STAU2: variants seen among roughly 807,000 people sequenced by gnomAD.
The protein encoded by STAU2 is double-stranded RNA-binding protein Staufen homolog 2.
STAU2 carries 20 observed loss-of-function variants against 65.9 expected under a neutral mutation model. The ratio of observed to expected loss-of-function variants is 0.30; its 90% CI spans 0.21 to 0.44. The LOEUF is 0.44. Among genes scored for constraint, STAU2 ranks in the 20% least tolerant of loss-of-function variants. The pLI is 1.00. For missense variants in STAU2, 558 were observed against 683.9 expected (o/e 0.82, Z 2.05); for synonymous variants, 232 against 233.9 (o/e 0.99, Z 0.07).
rs1474796211 is a variant in STAU2, at chr8:73,679,651, G to A, written c.275-6409C>T. Among the ~76,000 whole-genome samples the A allele has an allele frequency of 2.0e-5, 3 of 147,034 alleles. No individual in the cohort carries two copies. In the East Asian group the frequency reaches 6.2e-4, roughly 31 times the overall value. ...AATCCCAACACTTTGGGAGGCCAAG[G>A]TGAGTGGATCGCTTGAGCCCAGTTT... On this transcript the variant is annotated intron_variant, in intron 5 of 14. Coordinates refer to ENST00000524300, the MANE Select transcript of STAU2 (RefSeq NM_001164380.2).
At chr8:73,739,378 A>AATTATCT (rs1806673760) in intron 2 of STAU2, among the ~76,000 whole-genome samples, 1 of 152,106 alleles carries the variant, frequency 6.6e-6, no homozygotes, top group African/African-American at 2.4e-5. Flanking sequence ...CTCTCCCCTA[A>AATTATCT]AAATTATCTA....
intron 6 of STAU2, among the ~76,000 whole-genome samples, chr8:73,634,158 G>A (rs77488275): frequency 0.058 from 8,815 of 152,106 alleles, 336 homozygotes; most frequent in Middle Eastern, 0.17. Flanking sequence ...AATTATATTG[G>A]TAAAAAACTC....
intron 13 of STAU2, among the ~76,000 whole-genome samples, chr8:73,444,684 A>G (rs1001577614): frequency 2.6e-5 from 4 of 152,206 alleles, no homozygotes; most frequent in African/African-American, 7.2e-5. Context: ...TATCTTTAAC[A>G]CTAACACTGG....
At chr8:73,535,322 A>G (rs1413974790) in intron 13 of STAU2, among the ~76,000 whole-genome samples, 5 of 151,760 alleles carry the variant, frequency 3.3e-5, no homozygotes, top group South Asian at 2.1e-4. Context: ...GGCGCCCACC[A>G]CCACGCCTGG....
chr8:73,674,451 C>G (rs1817896067), intron 5 of STAU2, among the ~76,000 whole-genome samples: 1 of 151,508 alleles, frequency 6.6e-6, no homozygotes, highest in Non-Finnish European at 1.5e-5. Context: ...TTACTTAAGT[C>G]AAACAAAATT....
Position 73,536,479 on chromosome 8 carries a change from C to T in STAU2, c.1530+15533G>A, listed in dbSNP as rs146059666. 2.2e-3 allele frequency among the ~76,000 whole-genome samples: 332 copies of T among 152,314 alleles called. 3 individuals are homozygous for T. The highest frequency in any genetic ancestry group is 7.0e-3 in the African/African-American group (289 of 41,576). ...ATGGAAAAAATGGCAGATCCACCTC[C>T]ATCCCCAACAGCAAAAGTCAATTTG... On this transcript the variant is annotated intron_variant, in intron 13 of 14. Transcript: ENST00000524300.
At chr8:73,682,604 GA>G (rs1818511780) in intron 5 of STAU2, among the ~76,000 whole-genome samples, 1 of 151,774 alleles carries the variant, frequency 6.6e-6, no homozygotes, top group Admixed American at 6.6e-5. Flanking sequence ...CAGAAGAAAA[GA>G]AATAACAAAG....
chr8:73,436,249 G>C (rs1218022157), intron 13 of STAU2, among the ~76,000 whole-genome samples: 3 of 151,634 alleles, frequency 2.0e-5, no homozygotes, highest in Non-Finnish European at 2.9e-5. Context: ...TGAAATAGAG[G>C]CCCCAGCATA....
chr8:73,555,770 C>G (rs1319396172), intron 12 of STAU2, among the ~76,000 whole-genome samples: 1 of 152,166 alleles, frequency 6.6e-6, no homozygotes, highest in Non-Finnish European at 1.5e-5. Flanking sequence ...CGGACTTGAG[C>G]ATCTGTGGAT....
chr8:73,698,456 C>G (rs562745720), intron 4 of STAU2, among the ~76,000 whole-genome samples: 3 of 152,042 alleles, frequency 2.0e-5, no homozygotes, highest in Non-Finnish European at 4.4e-5. Flanking sequence ...GATGGAGAAA[C>G]ATATTCCATG....
chr8:73,535,772 AC>A (rs1013562810), intron 13 of STAU2, among the ~76,000 whole-genome samples: 3 of 152,184 alleles, frequency 2.0e-5, no homozygotes, highest in Non-Finnish European at 4.4e-5. Flanking sequence ...ATTATTTTCA[AC>A]ATTAAAGGAA....
intron 6 of STAU2, among the ~76,000 whole-genome samples, chr8:73,671,820 C>A (rs1414154646): frequency 6.6e-6 from 1 of 152,060 alleles, no homozygotes; most frequent in Non-Finnish European, 1.5e-5. Context: ...GTCAGAAGTT[C>A]AAGACCCCCA....
chr8:73,532,202 A>G (rs909044372), intron 13 of STAU2, among the ~76,000 whole-genome samples: 1 of 152,184 alleles, frequency 6.6e-6, no homozygotes, highest in African/African-American at 2.4e-5. Flanking sequence ...ACCTGACTCT[A>G]AGTTTCAACC....
chr8:73,438,218 G>A (rs1817858379), intron 13 of STAU2, among the ~76,000 whole-genome samples: 1 of 152,136 alleles, frequency 6.6e-6, no homozygotes, highest in Non-Finnish European at 1.5e-5. Flanking sequence ...TCACTACTGG[G>A]GTATGGCCAT....
intron 13 of STAU2, among the ~76,000 whole-genome samples, chr8:73,452,034 G>A (rs1818826232): frequency 6.6e-6 from 1 of 152,236 alleles, no homozygotes; most frequent in African/African-American, 2.4e-5. Context: ...GAGCAAGGCA[G>A]AGCAAGGAGC....
intron 6 of STAU2, among the ~76,000 whole-genome samples, chr8:73,618,043 G>A (rs910789052): frequency 6.6e-6 from 1 of 152,060 alleles, no homozygotes; most frequent in Admixed American, 6.6e-5. Context: ...CAGATATGAA[G>A]AGATAACAGA....
At chr8:73,745,525 G>C (rs973277777) in intron 1 of STAU2, among the ~76,000 whole-genome samples, 20 of 152,190 alleles carry the variant, frequency 1.3e-4, no homozygotes, top group African/African-American at 4.8e-4. Context: ...CTGAAACACA[G>C]GATGCATCAG....
chr8:73,589,390 CAG>C (rs1810608385), intron 11 of STAU2, among the ~76,000 whole-genome samples: 3 of 152,148 alleles, frequency 2.0e-5, no homozygotes, highest in African/African-American at 7.2e-5. Flanking sequence ...GTCAACAAAA[CAG>C]GGCCCAGGGA....
intron 13 of STAU2, among the ~76,000 whole-genome samples, chr8:73,540,366 A>G (rs542979201): frequency 4.2e-4 from 64 of 152,352 alleles, no homozygotes; most frequent in Non-Finnish European, 1.2e-4. Context: ...AAAAAGCTAG[A>G]AAAGAGGCAC....
Sources: allele counts gnomAD v4.1 joint callset (sites outside exome capture counted in the v4.1 genomes callset), GRCh38; gene constraint gnomAD v4.1.1; transcripts MANE v1.5; gene names NCBI Gene and HGNC (gene_info 2026-07-23, HGNC 2026-07-21).